The following NALF1 variants were observed in gnomAD, a reference collection of about 807,000 sequenced individuals.
NALF1 encodes NALCN channel auxiliary factor 1.
Under a neutral mutation model 48.4 loss-of-function variants are expected in NALF1, and 3 were observed. The ratio of observed to expected loss-of-function variants is 0.06; its 90% CI spans 0.03 to 0.16. The LOEUF is 0.16. Among genes scored for constraint, NALF1 ranks in the 10% least tolerant of loss-of-function variants. The pLI, the probability that NALF1 is intolerant of heterozygous loss-of-function variation, is 1.00. For missense variants in NALF1, 526 were observed against 571.5 expected (o/e 0.92, Z 0.81); for synonymous variants, 262 against 245.7 (o/e 1.07, Z -0.62).
intron 1 of NALF1, among the ~76,000 whole-genome samples, chr13:107,447,796 T>C (rs1400853192): frequency 6.6e-6 from 1 of 152,116 alleles, no homozygotes; most frequent in Admixed American, 6.5e-5. Context: ...CCAGAGTCAT[T>C]ACATTCTTCC....
At chr13:107,375,542 C>G (rs1328793258) in intron 1 of NALF1, among the ~76,000 whole-genome samples, 1 of 151,200 alleles carries the variant, frequency 6.6e-6, no homozygotes, top group Non-Finnish European at 1.5e-5. Flanking sequence ...TTAACTGCTG[C>G]TCCGTGTAAT....
At chr13:107,806,125 A>C (rs768833680) in intron 1 of NALF1, among the ~76,000 whole-genome samples, 4 of 152,294 alleles carry the variant, frequency 2.6e-5, no homozygotes, top group Middle Eastern at 3.4e-3. Flanking sequence ...AGAGAGAAAA[A>C]GCAATGGTTG....
rs576759109 is a variant in NALF1 at position 107,837,921 on chromosome 13, A to T, written c.915+27761T>A. Among the ~76,000 whole-genome samples, 37 of 100,998 alleles carry T rather than the reference A, an allele frequency of 3.7e-4. 1 individual carries two copies. The South Asian group carries it at 0.014, about 39-fold the overall frequency. 66.3% of individuals were successfully genotyped at this position (100,998 alleles called of 152,430 possible). The stretch of plus-strand genomic sequence containing the variant: ...CCTCCATCAATACAGTATACAGATT[A>T]AAAAAAAACACGGTAAAAAAACTCA... On this transcript the variant is annotated intron_variant, in intron 1 of 2. Coordinates refer to ENST00000375915, the MANE Select transcript of NALF1 (RefSeq NM_001080396.3).
chr13:107,549,002 C>T (rs1197768991), intron 1 of NALF1, among the ~76,000 whole-genome samples: 1 of 152,088 alleles, frequency 6.6e-6, no homozygotes, highest in Non-Finnish European at 1.5e-5. Flanking sequence ...AATTTATTAA[C>T]ATATTGACTA....
chr13:107,518,776 T>C (rs1464920823), intron 1 of NALF1, among the ~76,000 whole-genome samples: 1 of 152,158 alleles, frequency 6.6e-6, no homozygotes, highest in Non-Finnish European at 1.5e-5. Context: ...AGCATGCTGA[T>C]TTTCAGACAG....
chr13:107,769,240 C>G (rs1006658398), intron 1 of NALF1, among the ~76,000 whole-genome samples: 16 of 148,756 alleles, frequency 1.1e-4, no homozygotes, highest in African/African-American at 3.7e-4. Context: ...CACATGCACA[C>G]GTATGTTTAC....
At chr13:107,418,527 GAT>G (rs1207162158) in intron 1 of NALF1, among the ~76,000 whole-genome samples, 1 of 152,112 alleles carries the variant, frequency 6.6e-6, no homozygotes, top group Non-Finnish European at 1.5e-5. Context: ...CACAACTGTA[GAT>G]AATACAATCT....
chr13:107,460,103 C>A (rs1247831770), intron 1 of NALF1, among the ~76,000 whole-genome samples: 1 of 152,186 alleles, frequency 6.6e-6, no homozygotes, highest in African/African-American at 2.4e-5. Context: ...TATTTTGGAA[C>A]CAAACCAAAT....
chr13:107,206,483 T>C (rs1879645979), intron 2 of NALF1, among the ~76,000 whole-genome samples: 1 of 152,180 alleles, frequency 6.6e-6, no homozygotes, highest in Admixed American at 6.5e-5. Flanking sequence ...AACTTTCAAA[T>C]TTGGTACATG....
intron 1 of NALF1, among the ~76,000 whole-genome samples, chr13:107,608,946 TG>T (rs1879148608): frequency 6.6e-6 from 1 of 152,158 alleles, no homozygotes; most frequent in African/African-American, 2.4e-5. Context: ...GCACCAGGGA[TG>T]GTGCCGAGTG....
At chr13:107,761,874 T>C (rs1039681227) in intron 1 of NALF1, among the ~76,000 whole-genome samples, 6 of 152,296 alleles carry the variant, frequency 3.9e-5, no homozygotes, top group South Asian at 2.1e-4. Flanking sequence ...GACATAATCA[T>C]AGTACCTACT....
At chr13:107,733,528 T>TA (rs1876374453) in intron 1 of NALF1, among the ~76,000 whole-genome samples, 2 of 152,200 alleles carry the variant, frequency 1.3e-5, no homozygotes, top group South Asian at 4.1e-4. Flanking sequence ...GATGTATCTT[T>TA]AAAAAACAAA....
At chr13:107,643,846 T>C (rs1880230870) in intron 1 of NALF1, among the ~76,000 whole-genome samples, 1 of 152,148 alleles carries the variant, frequency 6.6e-6, no homozygotes, top group East Asian at 1.9e-4. Flanking sequence ...CTGTGCAGCC[T>C]CAAGGGAGAT....
intron 1 of NALF1, among the ~76,000 whole-genome samples, chr13:107,628,248 T>A (rs1229146764): frequency 2.0e-5 from 3 of 152,114 alleles, no homozygotes; most frequent in Non-Finnish European, 4.4e-5. Context: ...CATGATCTGG[T>A]CATTCGGTGT....
chr13:107,599,096 G>A (rs545017571), intron 1 of NALF1, among the ~76,000 whole-genome samples: 1 of 152,204 alleles, frequency 6.6e-6, no homozygotes, highest in South Asian at 2.1e-4. Context: ...CAACAAAGAT[G>A]CCTCAAGGAA....
intron 1 of NALF1, among the ~76,000 whole-genome samples, chr13:107,305,046 A>G (rs1178381807): frequency 6.6e-6 from 1 of 152,218 alleles, no homozygotes; most frequent in Non-Finnish European, 1.5e-5. Context: ...TCAGAATAAC[A>G]GTTGCTTGAA....
chr13:107,726,051 G>A (rs1484194764), intron 1 of NALF1, among the ~76,000 whole-genome samples: 1 of 152,062 alleles, frequency 6.6e-6, no homozygotes, highest in Non-Finnish European at 1.5e-5. Context: ...GCCTGCATGT[G>A]GCCTCATCTC....
At chr13:107,228,178 T>C (rs1880144162) in intron 1 of NALF1, among the ~76,000 whole-genome samples, 1 of 152,192 alleles carries the variant, frequency 6.6e-6, no homozygotes, top group Non-Finnish European at 1.5e-5. Flanking sequence ...ATAGGCTATT[T>C]GGAAAAATAT....
chr13:107,684,345 C>T, intron 1 of NALF1, among the ~76,000 whole-genome samples: 1 of 152,184 alleles, frequency 6.6e-6, no homozygotes. Context: ...AAACGAGTGT[C>T]ATACTTGCTT....
Sources: allele counts gnomAD v4.1 joint callset (sites outside exome capture counted in the v4.1 genomes callset), GRCh38; gene constraint gnomAD v4.1.1; transcripts MANE v1.5; gene names NCBI Gene and HGNC (gene_info 2026-07-23, HGNC 2026-07-21).